Variants in GSE1 observed in about 807,000 individuals in gnomAD.
GSE1 encodes genetic suppressor element 1.
Under a neutral mutation model 112.6 loss-of-function variants are expected in GSE1, and 32 were observed. The observed-to-expected ratio is 0.28, with a 90% confidence interval of 0.21 to 0.38. The LOEUF (loss-of-function observed/expected upper bound fraction) is 0.38, where lower values mean the gene tolerates loss of function less well. GSE1 is among the 10% of genes least tolerant of loss of function. The pLI is 1.00. For synonymous variants in GSE1, 1,115 were observed against 735.6 expected (o/e 1.52, Z -8.35); for missense variants, 2,348 against 1,699.2 (o/e 1.38, Z -6.71).
chr16:85,446,767 G>A (rs544396623), intron 2 of GSE1, among the ~76,000 whole-genome samples: 13 of 152,276 alleles, frequency 8.5e-5, no homozygotes, highest in African/African-American at 2.6e-4. Flanking sequence ...GTCCTGTTCC[G>A]CTTGGCTTCC....
chr16:85,644,915 TAA>T lies in GSE1; in HGVS notation c.227-3635_227-3634del, dbSNP rs2050729880. Among the ~76,000 whole-genome samples the T allele has an allele frequency of 3.3e-5, 5 of 152,048 alleles. No individual in the cohort carries two copies. The South Asian group carries it at 1.0e-3, about 32-fold the overall frequency. On this transcript the variant is annotated intron_variant, in intron 2 of 15. Coordinates refer to ENST00000253458, the MANE Select transcript of GSE1 (RefSeq NM_014615.5). The stretch of plus-strand genomic sequence containing the variant: ...TTTTTATTTTTTTTCCCCAAAAACT[TAA>T]AGTGAACTTTTTCTCAAAATCTAAA...
intron 1 of GSE1, among the ~76,000 whole-genome samples, chr16:85,615,261 G>C (rs532692659): frequency 6.6e-6 from 1 of 152,154 alleles, no homozygotes; most frequent in Admixed American, 6.5e-5. Context: ...GTGTCATCCC[G>C]GCCGCCGGCT....
chr16:85,253,069 A>ACCCCCCCC (rs56691935), intron 1 of GSE1, among the ~76,000 whole-genome samples: 3 of 57,818 alleles, frequency 5.2e-5, no homozygotes, highest in African/African-American at 6.9e-5. Flanking sequence ...CCCCCCCCCC[A>ACCCCCCCC]CCCCCCCCCC....
chr16:85,315,939 A>T (rs1273331893), intron 1 of GSE1, among the ~76,000 whole-genome samples: 1 of 151,890 alleles, frequency 6.6e-6, no homozygotes, highest in Non-Finnish European at 1.5e-5. Context: ...AGGGGGGGTG[A>T]AGGTGGGAGC....
intron 1 of GSE1, among the ~76,000 whole-genome samples, chr16:85,247,201 G>A (rs906993885): frequency 6.6e-6 from 1 of 152,190 alleles, no homozygotes; most frequent in Admixed American, 6.5e-5. Context: ...TTCGCCACGG[G>A]CTGGATGCTC....
rs1224474733 is a variant in GSE1 at position 85,648,790 on chromosome 16, T to G, written c.426+39T>G. 1.5e-5 allele frequency: 18 copies of G among 1,232,980 alleles called. No individual in the cohort carries two copies. The Admixed American group carries it at 1.6e-4, about 11-fold the overall frequency. 76.4% of individuals were successfully genotyped at this position (1,232,980 alleles called of 1,614,324 possible). A position where few individuals can be genotyped will look rare whatever the true frequency, so the allele number is the denominator to read the frequency against. On this transcript the variant is annotated intron_variant, in intron 3 of 15. Transcript: ENST00000253458. Reference sequence around the variant, plus strand: ...GGCAGGGAGCCTAGCGTCCTCTAAGTGGGGAGGCTGGATTCAGGCATCCAT... The same window carrying G: ...GGCAGGGAGCCTAGCGTCCTCTAAGGGGGGAGGCTGGATTCAGGCATCCAT...
intron 2 of GSE1, among the ~76,000 whole-genome samples, chr16:85,474,517 A>G (rs1235560846): frequency 6.6e-6 from 1 of 151,946 alleles, no homozygotes; most frequent in Non-Finnish European, 1.5e-5. Flanking sequence ...CACTTCCCAC[A>G]ATTAAACCCG....
exon 1 of GSE1, chr16:85,556,151 G>T: frequency 1.1e-6 from 1 of 928,628 alleles, no homozygotes; most frequent in Non-Finnish European, 1.3e-6. Flanking sequence ...GGCGGGGGGG[G>T]GAAAGACTGA....
At chr16:85,654,736 A>G (rs1598615839) in intron 4 of GSE1, 58 bp from the exon 5 acceptor site, 4 of 1,045,508 alleles carry the variant, frequency 3.8e-6, no homozygotes, top group South Asian at 1.3e-5. Context: ...CCGTCCCCCC[A>G]TGCAGGAGCA....
intron 1 of GSE1, among the ~76,000 whole-genome samples, chr16:85,196,434 C>T (rs775465235): frequency 7.9e-5 from 12 of 152,104 alleles, no homozygotes; most frequent in Non-Finnish European, 1.6e-4. Flanking sequence ...GTCAAGTTCA[C>T]GTGTGCACTC....
intron 2 of GSE1, among the ~76,000 whole-genome samples, chr16:85,396,791 G>A (rs2047976634): frequency 6.6e-6 from 1 of 152,238 alleles, no homozygotes; most frequent in South Asian, 2.1e-4. Context: ...TGTCTGGGAA[G>A]CGCAGGTCAG....
intron 1 of GSE1, among the ~76,000 whole-genome samples, chr16:85,254,384 C>G (rs1416479527): frequency 6.6e-6 from 1 of 152,188 alleles, no homozygotes; most frequent in South Asian, 2.1e-4. Flanking sequence ...TGTGTTGACC[C>G]TGAAGAAGTT....
At chr16:85,247,933 A>T (rs1354153412) in intron 1 of GSE1, among the ~76,000 whole-genome samples, 1 of 152,216 alleles carries the variant, frequency 6.6e-6, no homozygotes, top group African/African-American at 2.4e-5. Context: ...GGTGGCTTCC[A>T]TCTTGTCACT....
chr16:85,430,144 TCCCAGGGGCGAGGCTAGGAACGTTG>T (rs2049085660), intron 2 of GSE1, among the ~76,000 whole-genome samples: 1 of 152,114 alleles, frequency 6.6e-6, no homozygotes, highest in South Asian at 2.1e-4. Flanking sequence ...ACTTACAACA[TCCCAGGGGCGAGGCTAGGAACGTTG>T]CCCGTGAGCA....
chr16:85,448,750 C>T (rs932007167), intron 2 of GSE1, among the ~76,000 whole-genome samples: 2 of 152,360 alleles, frequency 1.3e-5, no homozygotes, highest in East Asian at 1.9e-4. Context: ...CCCGGCCCTG[C>T]AACCCGGGGC....
At chr16:85,651,036 C>CTCCCCCTCCGCCCCTCCTCCCCA (rs2051297426) in intron 3 of GSE1, among the ~76,000 whole-genome samples, 1 of 124,666 alleles carries the variant, frequency 8.0e-6, no homozygotes, top group Non-Finnish European at 1.8e-5. Context: ...GCTCCTCCCC[C>CTCCCCCTCCGCCCCTCCTCCCCA]TCCCCCTCCG....
chr16:85,251,497 C>T (rs372444947), intron 1 of GSE1, among the ~76,000 whole-genome samples: 3 of 152,346 alleles, frequency 2.0e-5, no homozygotes, highest in East Asian at 1.9e-4. Context: ...GGTCATCCAG[C>T]GGGGGTGCGG....
intron 2 of GSE1, among the ~76,000 whole-genome samples, chr16:85,466,339 G>A (rs994317909): frequency 6.6e-6 from 1 of 152,190 alleles, no homozygotes; most frequent in African/African-American, 2.4e-5. Context: ...AGGAGGAGTG[G>A]CCCCCAGGAC....
Position 85,270,376 on chromosome 16 carries a change from G to A in GSE1, c.2284-87087G>A, listed in dbSNP as rs529500863. Among the ~76,000 whole-genome samples the A allele has an allele frequency of 4.7e-5, 7 of 148,886 alleles. 1 individual carries two copies. The highest frequency in any genetic ancestry group is 1.9e-4 in the East Asian group (1 of 5,170). ...TCCTTCTTGGTGTCCTTCTTCTCCT[G>A]GACATTTGTCCCAGCGACATCCAAG... On this transcript the variant is annotated intron_variant, in intron 1 of 2. Transcript: ENST00000637419.
Sources: allele counts gnomAD v4.1 joint callset (sites outside exome capture counted in the v4.1 genomes callset), GRCh38; gene constraint gnomAD v4.1.1; transcripts MANE v1.5; gene names NCBI Gene and HGNC (gene_info 2026-07-23, HGNC 2026-07-21).